Variants in MSI2 observed in about 807,000 individuals in gnomAD.
The protein encoded by MSI2 is RNA-binding protein Musashi homolog 2.
In MSI2, 17 loss-of-function variants were observed where a neutral mutation model predicts 45.6. The ratio of observed to expected loss-of-function variants is 0.37; its 90% CI spans 0.26 to 0.56. The LOEUF is 0.56. Ranked by LOEUF, MSI2 falls within the 20% of genes least tolerant of loss-of-function variation. MSI2 has a pLI of 0.77. For synonymous variants in MSI2, 156 were observed against 158.2 expected (o/e 0.99, Z 0.11); for missense variants, 293 against 444.2 (o/e 0.66, Z 3.06).
At chr17:57,690,228 G>A in the MSI2 span, among the ~76,000 whole-genome samples, 1 of 150,370 alleles carries the variant, frequency 6.7e-6, no homozygotes, top group African/African-American at 2.5e-5. Flanking sequence ...TTTCTCTAAT[G>A]AGTAATGATC....
intron 5 of MSI2, among the ~76,000 whole-genome samples, chr17:57,290,755 C>G (rs11079287): frequency 0.54 from 81,791 of 152,176 alleles, 24,520 homozygotes; most frequent in Middle Eastern, 0.69. Flanking sequence ...GGGCCCAGGA[C>G]TCAGTGTTTA....
chr17:57,305,474 C>T (rs982961838), intron 5 of MSI2, among the ~76,000 whole-genome samples: 1 of 152,332 alleles, frequency 6.6e-6, no homozygotes, highest in East Asian at 1.9e-4. Flanking sequence ...AGAATCTGCT[C>T]TGCGCCAGCA....
intron 6 of MSI2, among the ~76,000 whole-genome samples, chr17:57,466,028 G>A (rs1416337378): frequency 3.3e-5 from 5 of 152,234 alleles, no homozygotes; most frequent in Middle Eastern, 6.8e-3. Context: ...AGGGAGACTC[G>A]GGTGCACACT....
chr17:57,513,406 A>G lies in MSI2; in HGVS notation c.406-16270A>G, dbSNP rs1031195073. ...CTAATAAATACTAGAGCCAGCATCC[A>G]AGCCCAGGGAGTCTAGCTCTAGAGT... On this transcript the variant is annotated intron_variant, in intron 6 of 13. Transcript: ENST00000284073. Among the ~76,000 whole-genome samples the G allele has an allele frequency of 2.0e-5, 3 of 152,330 alleles. No homozygotes were observed. In the South Asian group the frequency reaches 6.2e-4, roughly 32 times the overall value.
At chr17:57,312,035 A>G (rs1422890209) in intron 5 of MSI2, among the ~76,000 whole-genome samples, 6 of 152,190 alleles carry the variant, frequency 3.9e-5, no homozygotes, top group Non-Finnish European at 5.9e-5. Context: ...TCTGGAGACA[A>G]GTCATAGCAC....
At chr17:57,643,836 T>G (rs1910435426) in intron 10 of MSI2, among the ~76,000 whole-genome samples, 1 of 152,256 alleles carries the variant, frequency 6.6e-6, no homozygotes, top group Non-Finnish European at 1.5e-5. Context: ...CCCTGTGTTT[T>G]AGGAACTAAC....
chr17:57,302,760 T>C lies in MSI2; in HGVS notation c.312+40568T>C, dbSNP rs79051240. Among the ~76,000 whole-genome samples the C allele has an allele frequency of 1.5e-3, 226 of 152,284 alleles. 3 individuals carry two copies. In the Middle Eastern group the frequency reaches 0.017, roughly 11 times the overall value. On this transcript the variant is annotated intron_variant, in intron 5 of 13. Coordinates refer to ENST00000284073, the MANE Select transcript of MSI2 (RefSeq NM_138962.4). Reference sequence around the variant, plus strand: ...GCCTGGTTCTGTTGAAACCCCTAAATCCACATCCTCTTTTGAGGGGAGCAT... The same window carrying C: ...GCCTGGTTCTGTTGAAACCCCTAAACCCACATCCTCTTTTGAGGGGAGCAT...
intron 7 of MSI2, among the ~76,000 whole-genome samples, chr17:57,575,326 A>G (rs929828647): frequency 5.3e-5 from 8 of 151,764 alleles, no homozygotes; most frequent in South Asian, 2.1e-4. Context: ...CAAACGTCCT[A>G]TCTTGTCGGT....
At chr17:57,376,800 A>T (rs1030161134) in intron 5 of MSI2, among the ~76,000 whole-genome samples, 2 of 152,148 alleles carry the variant, frequency 1.3e-5, no homozygotes, top group Admixed American at 1.3e-4. Flanking sequence ...GCCTTTGGGC[A>T]ACATTTGCTG....
At chr17:57,603,262 G>T (rs1042254391) in intron 8 of MSI2, among the ~76,000 whole-genome samples, 1 of 152,220 alleles carries the variant, frequency 6.6e-6, no homozygotes, top group Non-Finnish European at 1.5e-5. Flanking sequence ...CAGAAGACAC[G>T]TGAGGCATGC....
chr17:57,282,947 C>T (rs568771705), intron 5 of MSI2, among the ~76,000 whole-genome samples: 5 of 151,678 alleles, frequency 3.3e-5, no homozygotes, highest in Non-Finnish European at 4.4e-5. Flanking sequence ...CCTTGCTGAA[C>T]GGCAGTCCTT....
rs370693134 is a variant in MSI2 at position 57,517,085 on chromosome 17, G to GT, written c.406-12588dup. Among the ~76,000 whole-genome samples the GT allele has an allele frequency of 2.0e-3, 309 of 152,348 alleles. 4 individuals carry two copies. Among genetic ancestry groups the GT allele is most frequent in the African/African-American group, 7.1e-3 (297 of 41,582 alleles). ...TTTTCTTAGCCATTATTTGAAGACA[G>GT]TTTCGGAATTCAAAAGTAGCAAATT... On this transcript the variant is annotated intron_variant, in intron 6 of 13. Transcript: ENST00000284073.
At chr17:57,276,013 C>T (rs1376215554) in intron 5 of MSI2, among the ~76,000 whole-genome samples, 1 of 152,100 alleles carries the variant, frequency 6.6e-6, no homozygotes, top group Non-Finnish European at 1.5e-5. Context: ...GGGAGCATCT[C>T]TTTGGGAAGG....
chr17:57,553,171 C>T (rs1598394371), intron 7 of MSI2, among the ~76,000 whole-genome samples: 1 of 152,166 alleles, frequency 6.6e-6, no homozygotes, highest in African/African-American at 2.4e-5. Context: ...AGGCCAGACT[C>T]GAGGGCTCAG....
chr17:57,584,333 C>A (rs1290609330), intron 7 of MSI2, among the ~76,000 whole-genome samples: 1 of 152,184 alleles, frequency 6.6e-6, no homozygotes, highest in African/African-American at 2.4e-5. Flanking sequence ...CAGACCCCAC[C>A]CCCTGGTGAA....
intron 5 of MSI2, among the ~76,000 whole-genome samples, chr17:57,301,688 C>A (rs557095571): frequency 1.3e-5 from 2 of 151,986 alleles, no homozygotes; most frequent in Admixed American, 1.3e-4. Context: ...AATGAATGGG[C>A]CACCCCTTGT....
chr17:57,370,641 G>T (rs1230677673), intron 5 of MSI2, among the ~76,000 whole-genome samples: 1 of 152,220 alleles, frequency 6.6e-6, no homozygotes, highest in Admixed American at 6.5e-5. Context: ...TGCTACGCCT[G>T]CTTTGATGGC....
intron 5 of MSI2, among the ~76,000 whole-genome samples, chr17:57,272,699 G>A (rs545435360): frequency 1.3e-5 from 2 of 152,328 alleles, no homozygotes; most frequent in Admixed American, 1.3e-4. Context: ...CTGGATAGGA[G>A]CTCGAGAGTA....
intron 5 of MSI2, among the ~76,000 whole-genome samples, chr17:57,391,707 T>C (rs1179816921): frequency 1.3e-5 from 2 of 152,168 alleles, no homozygotes; most frequent in Non-Finnish European, 2.9e-5. Flanking sequence ...AACCCCACCA[T>C]CCTGTCTGGC....
Sources: allele counts gnomAD v4.1 joint callset (sites outside exome capture counted in the v4.1 genomes callset), GRCh38; gene constraint gnomAD v4.1.1; transcripts MANE v1.5; gene names NCBI Gene and HGNC (gene_info 2026-07-23, HGNC 2026-07-21).